SNED1: variants seen among roughly 807,000 people sequenced by gnomAD.
The protein encoded by SNED1 is sushi, nidogen and EGF-like domain-containing protein 1.
SNED1 carries 81 observed loss-of-function variants against 166.7 expected under a neutral mutation model. The ratio of observed to expected loss-of-function variants is 0.49; its 90% confidence interval spans 0.41 to 0.58. SNED1 has a LOEUF of 0.58. Ranked by LOEUF, SNED1 falls within the 20% of genes least tolerant of loss-of-function variation. SNED1 has a pLI of 0.00. For missense variants in SNED1, 1,604 were observed against 2,000.2 expected, an observed-to-expected ratio of 0.80 and a Z score of 3.78; for synonymous variants, 762 against 822.0, an observed-to-expected ratio of 0.93 and a Z score of 1.25.
Position 241,036,108 on chromosome 2 carries a change from G to T in SNED1, c.806-682G>T, listed in dbSNP as rs543832457. Among the ~76,000 whole-genome samples the T allele has an allele frequency of 2.1e-3, 172 of 81,206 alleles. 1 individual carries two copies. The highest frequency in any genetic ancestry group is 7.0e-3 in the Admixed American group (51 of 7,260). The allele number at this position is 81,206 out of a possible 152,430, so 53.3% of individuals were successfully genotyped here. A position where few individuals can be genotyped will look rare whatever the true frequency, so the allele number is the denominator to read the frequency against. ...GGCGCATCACGGGGTGGGGGTTGGG[G>T]AGTAGAGGCGCGCCACGGGGTGGGG... is the stretch of plus-strand genomic sequence containing the variant. On this transcript the variant is annotated intron_variant, in intron 4 of 31. Transcript: ENST00000310397.
At chr2:241,085,860 CTTTTT>C (rs772995766) in intron 29 of SNED1, among the ~76,000 whole-genome samples, 3 of 79,190 alleles carry the variant, frequency 3.8e-5, no homozygotes, top group African/African-American at 5.1e-5. Flanking sequence ...TCTGCGGTTT[CTTTTT>C]TTTTTTTTTT....
intron 1 of SNED1, among the ~76,000 whole-genome samples, chr2:241,022,561 CT>C (rs1198662670): frequency 2.0e-5 from 3 of 152,182 alleles, no homozygotes; most frequent in Non-Finnish European, 4.4e-5. Flanking sequence ...CAGCCTACCT[CT>C]CACTACTCAG....
chr2:241,037,212 T>C (rs761591348), intron 5 of SNED1, 28 bp from the exon 6 acceptor site: 1 of 1,562,432 alleles, frequency 6.4e-7, no homozygotes, highest in East Asian at 2.3e-5. Context: ...TTCCCGCCGC[T>C]GAGGCCTCAG....
Position 241,069,846 on chromosome 2 carries a change from G to C in SNED1, c.3308-74G>C. The C allele has an allele frequency of 6.5e-7, 1 of 1,531,240 alleles. No individual in the cohort carries two copies. Among genetic ancestry groups the C allele is most frequent in the South Asian group, 1.2e-5 (1 of 81,788 alleles). 94.9% of individuals were successfully genotyped at this position (1,531,240 alleles called of 1,614,324 possible). ...AGCAAGGCTGCGGCAGCCCATGTCC[G>C]GTTCTCAAACCGTGTTCTTGCCAGA... On this transcript the variant is annotated intron_variant, in intron 23 of 31. Transcript: ENST00000310397. This position sits in a 1 kb window ranked among gnomAD's most constrained non-coding sequence, Gnocchi z 4.9.
In SNED1 at chr2:240,998,747, C is replaced by G. The variant is rs2059990013; in HGVS notation, c.-91C>G. 1.9e-6 allele frequency: 1 copy of G among 517,978 alleles called. No individual in the cohort carries two copies. The highest frequency in any genetic ancestry group is 2.1e-5 in the African/African-American group (1 of 47,836). 32.1% of individuals were successfully genotyped at this position (517,978 alleles called of 1,614,324 possible). On this transcript the variant is annotated 5_prime_UTR_variant, in exon 1 of 32. Coordinates refer to ENST00000310397, the MANE Select transcript of SNED1 (RefSeq NM_001080437.3). ...GCGGGCGCGCCCGCGCTCCCCGCAC[C>G]CCGCCTGGCCCTGCCGGCCACCCCC...
Position 241,089,472 on chromosome 2 carries a change from C to T in SNED1, c.*1+1070C>T. ...ACACACCAAAGGAAGAGTGTCCACACCCCCTTGGGGGAAAGGTCTGGGCCG... is the reference window on the plus strand; with the variant it reads ...ACACACCAAAGGAAGAGTGTCCACATCCCCTTGGGGGAAAGGTCTGGGCCG... On this transcript the variant is annotated intron_variant, in intron 31 of 31. Coordinates refer to ENST00000310397, the MANE Select transcript of SNED1 (RefSeq NM_001080437.3). 3 of 1,524,102 alleles carry T rather than the reference C, an allele frequency of 2.0e-6. No homozygotes were observed. In the South Asian group the frequency reaches 3.8e-5, roughly 19 times the overall value. The allele number at this position is 1,524,102 out of a possible 1,614,324, so 94.4% of individuals were successfully genotyped here.
chr2:241,001,891 G>A (rs988751005), intron 1 of SNED1, among the ~76,000 whole-genome samples: 4 of 152,138 alleles, frequency 2.6e-5, no homozygotes, highest in Non-Finnish European at 4.4e-5. Context: ...TGCAGAGCCC[G>A]CAGGCAAGAA....
chr2:241,018,828 G>A lies in SNED1; in HGVS notation c.214-11456G>A, dbSNP rs974443806. ...CCGAACCAGAGCTGAGTGAATTCCT[G>A]AGGCCCCTTTTTGGCCTGGCTGCCA... On this transcript the variant is annotated intron_variant, in intron 1 of 31. Transcript: ENST00000310397. The surrounding 1 kb of genome is among the most constrained non-coding windows in gnomAD (Gnocchi z 5.4). Among the ~76,000 whole-genome samples, 3 of 152,182 alleles carry A rather than the reference G, an allele frequency of 2.0e-5. No individual in the cohort carries two copies. The highest frequency in any genetic ancestry group is 4.8e-5 in the African/African-American group (2 of 41,452).
chr2:241,071,130 G>A (rs2062692366), intron 24 of SNED1, among the ~76,000 whole-genome samples: 1 of 152,176 alleles, frequency 6.6e-6, no homozygotes, highest in Non-Finnish European at 1.5e-5. Flanking sequence ...CGCTGTTAGG[G>A]TGACAGATGC....
At chr2:241,028,557 A>T (rs2061057569) in intron 1 of SNED1, among the ~76,000 whole-genome samples, 1 of 152,200 alleles carries the variant, frequency 6.6e-6, no homozygotes, top group African/African-American at 2.4e-5. Context: ...TCCTTTCCTC[A>T]CTGAATGCTC....
At chr2:241,001,394 G>A (rs2060073305) in intron 1 of SNED1, among the ~76,000 whole-genome samples, 1 of 152,256 alleles carries the variant, frequency 6.6e-6, no homozygotes, top group African/African-American at 2.4e-5. Context: ...CACACATGGA[G>A]TGGCCCCCTT....
intron 29 of SNED1, among the ~76,000 whole-genome samples, chr2:241,084,134 ATT>A (rs368364855): frequency 1.9e-4 from 24 of 123,254 alleles, no homozygotes; most frequent in Admixed American, 4.1e-4. Flanking sequence ...AGCGTCTAGG[ATT>A]TTTTTTTTTT....
chr2:241,035,601 C>T (rs1390943700), intron 4 of SNED1: 2 of 152,234 alleles, frequency 1.3e-5, no homozygotes, highest in South Asian at 4.1e-4. Context: ...GCCTCCCAGC[C>T]GCGAGCATCT....
intron 4 of SNED1, 113 bp downstream of exon 4, chr2:241,034,843 T>C: frequency 8.3e-7 from 1 of 1,209,726 alleles, no homozygotes; most frequent in South Asian, 1.6e-5. Flanking sequence ...GCAGGAGCAC[T>C]TGGGTGTCCA....
In SNED1 at chr2:241,068,221, A is replaced by C. The variant is rs1248970409; in HGVS notation, c.3194+274A>C. Among the ~76,000 whole-genome samples the C allele has an allele frequency of 6.6e-6, 1 of 152,178 alleles. No homozygotes were observed. The highest frequency in any genetic ancestry group is 2.4e-5 in the African/African-American group (1 of 41,444). The stretch of plus-strand genomic sequence containing the variant: ...GGAAAAGCTCAGAAAATCCGGGGGC[A>C]CACTTTCCACACAGATCATGAGAGT... On this transcript the variant is annotated intron_variant, in intron 22 of 31. Coordinates refer to ENST00000310397, the MANE Select transcript of SNED1 (RefSeq NM_001080437.3). This position sits in a 1 kb window ranked among gnomAD's most constrained non-coding sequence, Gnocchi z 5.3.
chr2:241,087,449 C>A lies in SNED1; in HGVS notation c.4179C>A (p.Ser1393Arg). 6.2e-7 allele frequency: 1 copy of A among 1,603,008 alleles called. No individual in the cohort carries two copies. Among genetic ancestry groups the A allele is most frequent in the South Asian group, 1.1e-5 (1 of 88,894 alleles). The part of the protein sequence containing the change: ...QDICFKESCE[S>R]TSLKKTPNRK... The stretch of plus-strand genomic sequence containing the variant: ...TCTGCTTCAAAGAGAGCTGTGAAAG[C>A]ACAAGCCTCAAGAAGACCCCAAACA... Residue 1393 changes from serine (S) to arginine (R), a missense_variant, in exon 30 of 32, where the codon AGC becomes AGA. Physicochemically the swap from Ser to Arg is moderately radical, Grantham distance 110 (BLOSUM62 -1). Around this residue, in one of 2 missense-constraint regions of SNED1, gnomAD observed 367 missense variants for 379.4 expected, o/e 0.97. Transcript: ENST00000310397.
At position 241,086,733 on chromosome 2, in the gene SNED1, T is replaced by C. The variant is rs74000364; in HGVS notation, c.4122-659T>C. Among the ~76,000 whole-genome samples, 1,033 of 152,364 alleles carry C rather than the reference T, an allele frequency of 6.8e-3. 15 individuals carry two copies. Among genetic ancestry groups the C allele is most frequent in the African/African-American group, 0.024 (979 of 41,600 alleles). On this transcript the variant is annotated intron_variant, in intron 29 of 31. Coordinates refer to ENST00000310397, the MANE Select transcript of SNED1 (RefSeq NM_001080437.3). ...AGACTTAGCATATGAGTTGGAGCTTTGCCTGCTGAACTCCTTGGATTTCCC... is the reference window on the plus strand; with the variant it reads ...AGACTTAGCATATGAGTTGGAGCTTCGCCTGCTGAACTCCTTGGATTTCCC...
At chr2:241,007,624 TTGG>T (rs2060256558) in intron 1 of SNED1, among the ~76,000 whole-genome samples, 1 of 152,230 alleles carries the variant, frequency 6.6e-6, no homozygotes, top group African/African-American at 2.4e-5. Context: ...TTTTAACATT[TTGG>T]TGAAGTTCTT....
chr2:241,050,816 C>T (rs2061814282), intron 12 of SNED1, among the ~76,000 whole-genome samples: 1 of 148,766 alleles, frequency 6.7e-6, no homozygotes, highest in African/African-American at 2.6e-5. Context: ...GGTATGAAGT[C>T]CACTGTACCC....
Sources: allele counts gnomAD v4.1 joint callset (sites outside exome capture counted in the v4.1 genomes callset), GRCh38; gene constraint gnomAD v4.1.1; regional missense constraint gnomAD v4.1.1; non-coding constraint Gnocchi (gnomAD v3.1); transcripts MANE v1.5; gene names NCBI Gene and HGNC (gene_info 2026-07-23, HGNC 2026-07-21).